The following CAPZA1 variants were observed in gnomAD, a reference collection of about 807,000 sequenced individuals.
CAPZA1 encodes the protein capping actin protein of muscle Z-line subunit alpha 1.
Under a neutral mutation model 40.8 loss-of-function variants are expected in CAPZA1, and 10 were observed. That is an observed-to-expected ratio of 0.25 (90% confidence interval 0.15 to 0.42). The LOEUF (loss-of-function observed/expected upper bound fraction) is 0.42. CAPZA1 is among the 10% of genes least tolerant of loss of function. CAPZA1 has a pLI of 1.00. For synonymous variants in CAPZA1, 98 were observed against 115.0 expected (o/e 0.85, Z 0.95); for missense variants, 277 against 353.8 (o/e 0.78, Z 1.74).
At chr1:112,643,300 T>C (rs1011256957) in intron 1 of CAPZA1, among the ~76,000 whole-genome samples, 1 of 152,206 alleles carries the variant, frequency 6.6e-6, no homozygotes, top group Non-Finnish European at 1.5e-5. Context: ...TCTCTTTTTA[T>C]TGTTTTTGCT....
At chr1:112,651,698 C>T (rs1671388716) in intron 3 of CAPZA1, among the ~76,000 whole-genome samples, 9 of 57,412 alleles carry the variant, frequency 1.6e-4, no homozygotes. Flanking sequence ...ACTTCCTACT[C>T]GTTTTTTTTT....
intron 8 of CAPZA1, among the ~76,000 whole-genome samples, chr1:112,668,330 A>T (rs1468736745): frequency 6.6e-6 from 1 of 152,202 alleles, no homozygotes; most frequent in Non-Finnish European, 1.5e-5. Context: ...GTTAATTAAA[A>T]ATAATGATAA....
intron 5 of CAPZA1, among the ~76,000 whole-genome samples, chr1:112,657,021 C>G (rs1671512593): frequency 6.6e-6 from 1 of 151,900 alleles, no homozygotes; most frequent in Non-Finnish European, 1.5e-5. Context: ...CCTGCCTCAG[C>G]CTCCTGAGTA....
chr1:112,652,841 A>G (rs746810597), intron 3 of CAPZA1, among the ~76,000 whole-genome samples: 1 of 152,178 alleles, frequency 6.6e-6, no homozygotes, highest in African/African-American at 2.4e-5. Context: ...TGTATTAGAG[A>G]GCCATTAAAA....
chr1:112,637,215 C>T (rs1671038750), intron 1 of CAPZA1, among the ~76,000 whole-genome samples: 1 of 152,246 alleles, frequency 6.6e-6, no homozygotes, highest in African/African-American at 2.4e-5. Flanking sequence ...ATAATAGTCT[C>T]TCCCCTGCCT....
At chr1:112,669,889 T>C (rs1671796837) in intron 9 of CAPZA1, 103 bp from the exon 10 acceptor site, 2 of 1,279,370 alleles carry the variant, frequency 1.6e-6, no homozygotes, top group African/African-American at 3.0e-5. Context: ...CTGTCTATCC[T>C]TCACAGGGGA....
intron 8 of CAPZA1, among the ~76,000 whole-genome samples, chr1:112,668,701 G>C (rs2101194706): frequency 6.6e-6 from 1 of 152,180 alleles, no homozygotes; most frequent in East Asian, 1.9e-4. Flanking sequence ...GACCAGGCTT[G>C]TCTTGAACTC....
intron 7 of CAPZA1, among the ~76,000 whole-genome samples, chr1:112,664,099 G>A (rs1671674021): frequency 1.3e-5 from 2 of 152,034 alleles, no homozygotes; most frequent in East Asian, 3.9e-4. Context: ...GGCCATGGTG[G>A]CACGCACCTG....
intron 1 of CAPZA1, among the ~76,000 whole-genome samples, chr1:112,643,683 C>T (rs1277007472): frequency 6.6e-6 from 1 of 152,116 alleles, no homozygotes; most frequent in East Asian, 1.9e-4. Flanking sequence ...GTTATTGGAA[C>T]CCAAATTTTC....
intron 1 of CAPZA1, among the ~76,000 whole-genome samples, chr1:112,638,561 C>T (rs1467932645): frequency 6.6e-6 from 1 of 151,968 alleles, no homozygotes; most frequent in South Asian, 2.1e-4. Flanking sequence ...TTGATCCACC[C>T]ACCTCAGCCT....
At chr1:112,633,388 G>T in intron 1 of CAPZA1, among the ~76,000 whole-genome samples, 1 of 152,024 alleles carries the variant, frequency 6.6e-6, no homozygotes, top group Non-Finnish European at 1.5e-5. Flanking sequence ...ATATCTTTCA[G>T]GTCCATCCTT....
intron 1 of CAPZA1, among the ~76,000 whole-genome samples, chr1:112,635,846 C>G (rs1388223014): frequency 2.0e-5 from 3 of 152,036 alleles, no homozygotes; most frequent in Non-Finnish European, 2.9e-5. Context: ...CCTGGTCACA[C>G]GGTGAAACCC....
chr1:112,629,402 G>A (rs1670877424), intron 1 of CAPZA1, among the ~76,000 whole-genome samples: 1 of 152,100 alleles, frequency 6.6e-6, no homozygotes, highest in Non-Finnish European at 1.5e-5. Flanking sequence ...TCACTTGCCA[G>A]GTAGTATTTT....
At chr1:112,636,574 T>C (rs1322115030) in intron 1 of CAPZA1, among the ~76,000 whole-genome samples, 1 of 151,282 alleles carries the variant, frequency 6.6e-6, no homozygotes, top group East Asian at 1.9e-4. Context: ...ATGAATACAG[T>C]GTGTAGTGAA....
chr1:112,633,077 C>T (rs1190108221), intron 1 of CAPZA1, among the ~76,000 whole-genome samples: 1 of 152,156 alleles, frequency 6.6e-6, no homozygotes, highest in Admixed American at 6.5e-5. Flanking sequence ...TTTTAAGAAA[C>T]ACAGATAACA....
chr1:112,650,397 C>T (rs1471353350), intron 3 of CAPZA1, among the ~76,000 whole-genome samples: 3 of 152,124 alleles, frequency 2.0e-5, no homozygotes, highest in Non-Finnish European at 2.9e-5. Context: ...TAATTGTCAT[C>T]GTGAATGATA....
chr1:112,647,292 T>C lies in CAPZA1; in HGVS notation c.103+19T>C. 1 of 1,327,082 alleles carries C rather than the reference T, an allele frequency of 7.5e-7. No homozygotes were observed. Among genetic ancestry groups the C allele is most frequent in the South Asian group, 1.7e-5 (1 of 60,094 alleles). 82.2% of individuals were successfully genotyped at this position (1,327,082 alleles called of 1,614,324 possible). ...TTCAATGGTGAGTAAAGATTAGTAT[T>C]TTAATCCCTCCTTAATTACCATTAT... On this transcript the variant is annotated intron_variant, in intron 2 of 9. Coordinates refer to ENST00000263168, the MANE Select transcript of CAPZA1 (RefSeq NM_006135.3).
At chr1:112,626,568 T>G (rs917628243) in intron 1 of CAPZA1, among the ~76,000 whole-genome samples, 1 of 152,232 alleles carries the variant, frequency 6.6e-6, no homozygotes, top group Non-Finnish European at 1.5e-5. Flanking sequence ...TCTAATTCTA[T>G]GCATATACAG....
chr1:112,659,668 T>C, intron 6 of CAPZA1, 33 bp from the exon 7 acceptor site: 1 of 1,574,396 alleles, frequency 6.4e-7, no homozygotes, highest in African/African-American at 1.3e-5. Context: ...TGCTTATTGC[T>C]AATTCTGCAA....
Sources: gnomAD v4.1 joint callset for allele counts (sites outside exome capture counted in the v4.1 genomes callset) on GRCh38, gnomAD v4.1.1 for gene constraint, MANE v1.5 for transcripts, NCBI Gene and HGNC (gene_info 2026-07-23, HGNC 2026-07-21) for gene names.